COG5: variants seen among roughly 807,000 people sequenced by gnomAD.
COG5 encodes component of oligomeric golgi complex 5, also known as conserved oligomeric Golgi complex subunit 5.
A neutral mutation model predicts 110.4 loss-of-function variants in COG5; 86 were observed. That is an observed-to-expected ratio of 0.78 (90% CI 0.65 to 0.93). COG5 has a LOEUF of 0.93. Ranked by LOEUF, COG5 falls within the 40% of genes least tolerant of loss-of-function variation. The pLI, the probability that COG5 is intolerant of heterozygous loss-of-function variation, is 0.00. For missense variants in COG5, 1,077 were observed against 987.0 expected (o/e 1.09, Z -1.22); for synonymous variants, 360 against 334.6 (o/e 1.08, Z -0.83).
chr7:107,298,915 T>C (rs188172538), intron 11 of COG5, among the ~76,000 whole-genome samples: 23 of 152,210 alleles, frequency 1.5e-4, no homozygotes, highest in Admixed American at 1.1e-3. Context: ...TATTTGGAAC[T>C]AGAAAATGCT....
chr7:107,349,309 A>G (rs142820117), intron 10 of COG5, among the ~76,000 whole-genome samples: 42 of 152,232 alleles, frequency 2.8e-4, no homozygotes, highest in African/African-American at 9.4e-4. Context: ...TGCCTATTCC[A>G]CTAGCTAGAA....
chr7:107,546,428 GTTTT>G (rs946384915), intron 5 of COG5, among the ~76,000 whole-genome samples: 13 of 117,174 alleles, frequency 1.1e-4, no homozygotes, highest in African/African-American at 2.5e-4. Flanking sequence ...TTGTGTTTTG[GTTTT>G]TTGTTTTTTT....
chr7:107,474,139 A>G lies in COG5; in HGVS notation c.538+53098T>C, dbSNP rs947668702. 11 of 1,607,530 alleles carry G rather than the reference A, an allele frequency of 6.8e-6. No individual in the cohort carries two copies. The highest frequency in any genetic ancestry group is 9.4e-6 in the Non-Finnish European group (11 of 1,174,528). On this transcript the variant is annotated intron_variant, in intron 6 of 21. Coordinates refer to ENST00000297135, the MANE Select transcript of COG5 (RefSeq NM_006348.5). This position sits in a 1 kb window ranked among gnomAD's most constrained non-coding sequence, Gnocchi z 5.7. ...AGTGCGAGATGACATTGATGACATC[A>G]ACACCAATATGTACCAACCACTATC...
At chr7:107,415,679 AACAT>A (rs1563020749) in intron 6 of COG5, among the ~76,000 whole-genome samples, 2 of 151,470 alleles carry the variant, frequency 1.3e-5, no homozygotes, top group South Asian at 2.1e-4. Context: ...TTGCAACAGT[AACAT>A]ACATACATAG....
chr7:107,438,580 A>G (rs529440406), intron 6 of COG5, among the ~76,000 whole-genome samples: 13 of 152,294 alleles, frequency 8.5e-5, no homozygotes, highest in African/African-American at 2.6e-4. Context: ...CTCTCTCCCA[A>G]CTACAAACTT....
chr7:107,372,684 A>C lies in COG5; in HGVS notation c.746T>G (p.Val249Gly), dbSNP rs200563026. 3 of 1,613,642 alleles carry C rather than the reference A, an allele frequency of 1.9e-6. No homozygotes were observed. Among genetic ancestry groups the C allele is most frequent in the East Asian group, 2.2e-5 (1 of 44,804 alleles). ...TTCTAAAGTAGCACAATATCCATCC[A>C]CAACACTGGTAATAGTATCCTTCAA... ...GTLKDTITSV[V>G]DGYCATLEEN... Residue 249 changes from valine to glycine, a missense_variant, in exon 8 of 22, where the codon GTG (valine) becomes GGG (glycine). Transcript: ENST00000297135.
At chr7:107,475,351 G>C in intron 6 of COG5, 2 of 1,480,188 alleles carry the variant, frequency 1.4e-6, no homozygotes, top group Non-Finnish European at 1.8e-6. Context: ...GCCTCAGGTT[G>C]TCACAGACTA....
intron 12 of COG5, among the ~76,000 whole-genome samples, chr7:107,295,056 C>CAT: frequency 1.7e-5 from 1 of 60,120 alleles, no homozygotes. Context: ...CACACACACA[C>CAT]ACACACACAC....
intron 7 of COG5, among the ~76,000 whole-genome samples, chr7:107,382,270 G>A (rs866121383): frequency 3.3e-5 from 5 of 152,114 alleles, no homozygotes; most frequent in African/African-American, 1.2e-4. Context: ...GGTATTTGAG[G>A]ATACAAACCC....
intron 6 of COG5, among the ~76,000 whole-genome samples, chr7:107,464,991 G>C (rs1421434859): frequency 2.0e-5 from 3 of 152,148 alleles, no homozygotes; most frequent in Non-Finnish European, 2.9e-5. Flanking sequence ...CTGAGAAATG[G>C]ATGGAGTAAA....
intron 6 of COG5, among the ~76,000 whole-genome samples, chr7:107,459,918 A>G (rs1795886254): frequency 1.3e-5 from 2 of 152,196 alleles, no homozygotes; most frequent in Non-Finnish European, 2.9e-5. Flanking sequence ...CCTAACAATG[A>G]GAGAAAGCAC....
chr7:107,291,646 AACTG>A (rs1279613450), intron 12 of COG5, among the ~76,000 whole-genome samples: 15 of 152,332 alleles, frequency 9.8e-5, no homozygotes, highest in Non-Finnish European at 1.2e-4. Flanking sequence ...AAACTCCATT[AACTG>A]ACTGCTCTAC....
At chr7:107,481,834 A>G (rs1264784269) in intron 6 of COG5, among the ~76,000 whole-genome samples, 1 of 152,160 alleles carries the variant, frequency 6.6e-6, no homozygotes, top group African/African-American at 2.4e-5. Flanking sequence ...ACACAATACA[A>G]TAACAGTTGG....
At chr7:107,224,901 T>C (rs527874206) in intron 19 of COG5, among the ~76,000 whole-genome samples, 2 of 152,374 alleles carry the variant, frequency 1.3e-5, no homozygotes, top group Admixed American at 1.3e-4. Context: ...AACTATAATG[T>C]AGACAGTAAA....
At chr7:107,420,672 A>G (rs1793223051) in intron 6 of COG5, among the ~76,000 whole-genome samples, 1 of 152,202 alleles carries the variant, frequency 6.6e-6, no homozygotes, top group Non-Finnish European at 1.5e-5. Context: ...CATGTTAGCC[A>G]GGATGGTCTC....
At chr7:107,435,517 G>C (rs1243488553) in intron 6 of COG5, among the ~76,000 whole-genome samples, 2 of 152,028 alleles carry the variant, frequency 1.3e-5, no homozygotes, top group Non-Finnish European at 2.9e-5. Context: ...GCTGGGTGTG[G>C]TGGCAGGCAC....
intron 7 of COG5, among the ~76,000 whole-genome samples, chr7:107,394,880 A>G (rs1790876820): frequency 1.3e-5 from 2 of 152,220 alleles, no homozygotes; most frequent in Admixed American, 6.5e-5. Context: ...TTTTCCTCTA[A>G]TAAAATATTC....
At chr7:107,267,392 T>A (rs6971571) in intron 14 of COG5, among the ~76,000 whole-genome samples, 1 of 152,322 alleles carries the variant, frequency 6.6e-6, no homozygotes, top group East Asian at 1.9e-4. Context: ...GAACAGCAGA[T>A]AGAATTTCTA....
In COG5 at chr7:107,474,151, T is replaced by G. The variant is rs2129111975; in HGVS notation, c.538+53086A>C. 1 of 1,609,532 alleles carries G rather than the reference T, an allele frequency of 6.2e-7. No individual in the cohort carries two copies. The highest frequency in any genetic ancestry group is 1.1e-5 in the South Asian group (1 of 90,974). The stretch of plus-strand genomic sequence containing the variant: ...CATTGATGACATCAACACCAATATG[T>G]ACCAACCACTATCATATCCGTTAAG... On this transcript the variant is annotated intron_variant, in intron 6 of 21. Coordinates refer to ENST00000297135, the MANE Select transcript of COG5 (RefSeq NM_006348.5). The surrounding 1 kb of genome is among the most constrained non-coding windows in gnomAD (Gnocchi z 5.7).
Sources: gnomAD v4.1 joint callset for allele counts (sites outside exome capture counted in the v4.1 genomes callset) on GRCh38, gnomAD v4.1.1 for gene constraint, Gnocchi (gnomAD v3.1) non-coding constraint, MANE v1.5 for transcripts, NCBI Gene and HGNC (gene_info 2026-07-23, HGNC 2026-07-21) for gene names.